SLC8A1: variants seen among roughly 807,000 people sequenced by gnomAD.
SLC8A1 encodes the protein sodium/calcium exchanger 1.
Under a neutral mutation model 68.3 loss-of-function variants are expected in SLC8A1, and 18 were observed. That is an observed-to-expected ratio of 0.26 (90% CI 0.18 to 0.39). The LOEUF is 0.39. SLC8A1 is among the 10% of genes least tolerant of loss of function. SLC8A1 has a pLI of 1.00. For missense variants in SLC8A1, 985 were observed against 1,156.7 expected (o/e 0.85, Z 2.15); for synonymous variants, 475 against 415.5 (o/e 1.14, Z -1.74).
In SLC8A1 at chr2:40,149,484, T is replaced by C. The variant is rs117829601; in HGVS notation, c.2162-9808A>G. 4.6e-4 allele frequency among the ~76,000 whole-genome samples: 70 copies of C among 152,270 alleles called. 1 individual carries two copies. The East Asian group carries it at 0.013, about 27-fold the overall frequency. ...GCAGTTGACATGTGAGCTAAGACTT[T>C]AGTGAGGAGAAATAATCGGATATGG... On this transcript the variant is annotated intron_variant, in intron 6 of 7. Coordinates refer to ENST00000406785, the Ensembl canonical transcript of SLC8A1.
chr2:40,462,940 C>G (rs1463238351), intron 1 of SLC8A1, among the ~76,000 whole-genome samples: 1 of 151,948 alleles, frequency 6.6e-6, no homozygotes, highest in Non-Finnish European at 1.5e-5. Flanking sequence ...TTCATTCACT[C>G]ATTTGTTTAT....
chr2:40,445,926 G>T (rs1470308819), intron 1 of SLC8A1, among the ~76,000 whole-genome samples: 1 of 152,188 alleles, frequency 6.6e-6, no homozygotes, highest in Non-Finnish European at 1.5e-5. Context: ...CCCAGAGGAA[G>T]TTAAAGCTTG....
At chr2:40,448,640 T>A (rs1393922982) in intron 1 of SLC8A1, among the ~76,000 whole-genome samples, 1 of 152,194 alleles carries the variant, frequency 6.6e-6, no homozygotes, top group African/African-American at 2.4e-5. Flanking sequence ...GATAGGATTC[T>A]GGAACCCAGA....
At chr2:40,440,073 A>C (rs1700196427) in intron 1 of SLC8A1, among the ~76,000 whole-genome samples, 2 of 152,280 alleles carry the variant, frequency 1.3e-5, no homozygotes, top group South Asian at 4.1e-4. Context: ...TGTTGGTGAC[A>C]TGGGAAAACA....
At chr2:40,251,058 T>A (rs2149027375) in intron 2 of SLC8A1, 1 of 152,308 alleles carries the variant, frequency 6.6e-6, no homozygotes, top group African/African-American at 2.4e-5. Flanking sequence ...AAATGTTTTA[T>A]TCAGTAATTA....
chr2:40,337,548 G>C (rs1666369669), intron 2 of SLC8A1, among the ~76,000 whole-genome samples: 1 of 152,140 alleles, frequency 6.6e-6, no homozygotes, highest in Non-Finnish European at 1.5e-5. Context: ...CCAATTACCA[G>C]CTACTCAGTG....
At chr2:40,406,950 G>GT (rs5830625) in intron 2 of SLC8A1, among the ~76,000 whole-genome samples, 21,028 of 151,888 alleles carry the variant, frequency 0.14, 2,277 homozygotes, top group African/African-American at 0.29. Flanking sequence ...CTTCTCCACA[G>GT]TTTTTTTTAC....
chr2:40,415,758 A>G (rs2149718542), intron 2 of SLC8A1, among the ~76,000 whole-genome samples: 1 of 151,852 alleles, frequency 6.6e-6, no homozygotes, highest in Non-Finnish European at 1.5e-5. Flanking sequence ...TGGGTGGGTC[A>G]CCTGAGGTCA....
chr2:40,225,771 T>G (rs1386604480), intron 2 of SLC8A1, among the ~76,000 whole-genome samples: 1 of 152,154 alleles, frequency 6.6e-6, no homozygotes, highest in Non-Finnish European at 1.5e-5. Context: ...AGTTGCCTTT[T>G]GGTGACACCA....
chr2:40,398,332 G>A (rs996954982), intron 2 of SLC8A1, among the ~76,000 whole-genome samples: 13 of 152,162 alleles, frequency 8.5e-5, no homozygotes, highest in South Asian at 6.2e-4. Flanking sequence ...TTACTAACGC[G>A]TGTATCATAT....
At chr2:40,180,069 A>T (rs1369479190) in intron 2 of SLC8A1, among the ~76,000 whole-genome samples, 1 of 152,192 alleles carries the variant, frequency 6.6e-6, no homozygotes, top group Non-Finnish European at 1.5e-5. Context: ...ATACTGAAAT[A>T]TGAACACACT....
At position 40,148,501 on chromosome 2, in the gene SLC8A1, A is replaced by AC. The variant is rs879735438; in HGVS notation, c.2162-8826_2162-8825insG. On this transcript the variant is annotated intron_variant, in intron 6 of 7. Coordinates refer to ENST00000406785, the Ensembl canonical transcript of SLC8A1. ...GGTGATGCAAATTGAGTAACAGTCTAATGATGGCCTCGGTTTGCACAATAC... is the reference window on the plus strand; with the variant it reads ...GGTGATGCAAATTGAGTAACAGTCTACATGATGGCCTCGGTTTGCACAATAC... Among the ~76,000 whole-genome samples, 3 of 152,184 alleles carry AC rather than the reference A, an allele frequency of 2.0e-5. No homozygotes were observed. In the East Asian group the frequency reaches 5.8e-4, roughly 29 times the overall value.
intron 4 of SLC8A1, 64 bp downstream of exon 6, chr2:40,174,642 G>C: frequency 7.4e-7 from 1 of 1,357,936 alleles, no homozygotes; most frequent in Non-Finnish European, 1.0e-6. Context: ...ATAAGATGTA[G>C]GTTTGGATTG....
chr2:40,418,772 T>C (rs1694631392), intron 2 of SLC8A1, among the ~76,000 whole-genome samples: 1 of 152,198 alleles, frequency 6.6e-6, no homozygotes. Flanking sequence ...TAATCTCTGC[T>C]CTTCTGGTCT....
chr2:40,279,008 A>T (rs549594242), intron 2 of SLC8A1, among the ~76,000 whole-genome samples: 5 of 152,310 alleles, frequency 3.3e-5, no homozygotes, highest in African/African-American at 1.2e-4. Context: ...CAGATTTTTA[A>T]GATGTGACAG....
chr2:40,296,160 A>G (rs2070339643), intron 2 of SLC8A1, among the ~76,000 whole-genome samples: 1 of 152,168 alleles, frequency 6.6e-6, no homozygotes. Flanking sequence ...CTGATTTGCA[A>G]TGTATGTTAG....
chr2:40,178,611 A>G (rs1376882290), intron 2 of SLC8A1, 118 bp from the exon 3 acceptor site: 28 of 800,046 alleles, frequency 3.5e-5, no homozygotes, highest in Middle Eastern at 2.3e-4. Flanking sequence ...TAATCGAGAA[A>G]CTTCTGTACT....
At chr2:40,181,369 C>G (rs750509653) in intron 2 of SLC8A1, among the ~76,000 whole-genome samples, 9 of 152,178 alleles carry the variant, frequency 5.9e-5, no homozygotes, top group African/African-American at 9.7e-5. Context: ...TAGCATATCC[C>G]TAGTCATAGG....
chr2:40,403,467 G>A (rs1318731109), intron 2 of SLC8A1, among the ~76,000 whole-genome samples: 3 of 152,050 alleles, frequency 2.0e-5, no homozygotes, highest in Admixed American at 6.6e-5. Context: ...GTCTTTATGC[G>A]TACCAAAAAA....
Sources: gnomAD v4.1 joint callset for allele counts (sites outside exome capture counted in the v4.1 genomes callset) on GRCh38, gnomAD v4.1.1 for gene constraint, MANE v1.5 for transcripts, NCBI Gene and HGNC (gene_info 2026-07-23, HGNC 2026-07-21) for gene names.